Variants in TBL1Y observed in about 807,000 individuals in gnomAD.
TBL1Y encodes transducin beta like 1 Y-linked.
Under a neutral mutation model 12.0 loss-of-function variants are expected in TBL1Y, and 15 were observed. The observed-to-expected ratio is 1.25, with a 90% CI of 0.83 to 1.92. The LOEUF (loss-of-function observed/expected upper bound fraction) is 1.92, where lower values mean the gene tolerates loss of function less well. Ranked by LOEUF, TBL1Y falls within the 40% of genes most tolerant of loss-of-function variation. The probability of loss-of-function intolerance (pLI) is 0.00; values close to 1 mark genes in which losing one functional copy is unlikely to be tolerated. For missense variants in TBL1Y, 148 were observed against 116.7 expected, an observed-to-expected ratio of 1.27 and a Z score of -1.24; for synonymous variants, 53 against 42.6, an observed-to-expected ratio of 1.24 and a Z score of -0.95.
intron 4 of TBL1Y, among the ~76,000 whole-genome samples, chrY:7,001,002 A>G: frequency 6.0e-5 from 2 of 33,262 alleles, no homozygotes; most frequent in Non-Finnish European, 1.5e-4. Context: ...CAGTAGCACC[A>G]TTGCCTATGT....
chrY:6,993,076 A>G (rs1036353194), intron 3 of TBL1Y, among the ~76,000 whole-genome samples: 1 of 33,465 alleles, frequency 3.0e-5, no homozygotes, highest in Non-Finnish European at 7.4e-5. Flanking sequence ...CATATATAGA[A>G]CTGTCTACAA....
At chrY:6,987,811 G>T (rs779519383) in intron 3 of TBL1Y, among the ~76,000 whole-genome samples, 1 of 32,906 alleles carries the variant, frequency 3.0e-5, no homozygotes, top group South Asian at 7.0e-4. Flanking sequence ...AGGGTGTTTG[G>T]GTTGTTTCCA....
intron 2 of TBL1Y, among the ~76,000 whole-genome samples, chrY:6,922,896 C>G: frequency 2.9e-5 from 1 of 34,591 alleles, no homozygotes; most frequent in Non-Finnish European, 7.3e-5. Context: ...ACAGCCCACC[C>G]AGAACGCGCG....
chrY:7,009,090 G>T, intron 4 of TBL1Y, among the ~76,000 whole-genome samples: 1 of 33,669 alleles, frequency 3.0e-5, no homozygotes, highest in Non-Finnish European at 7.3e-5. Context: ...AGGGGATCAC[G>T]TGTCACCCAC....
intron 2 of TBL1Y, among the ~76,000 whole-genome samples, chrY:6,958,221 A>G (rs2012080889): frequency 3.0e-5 from 1 of 33,711 alleles, no homozygotes; most frequent in Admixed American, 2.7e-4. Context: ...GTGTTGTGCC[A>G]TACCATGAAT....
At chrY:6,998,622 C>G (rs2012425922) in intron 4 of TBL1Y, among the ~76,000 whole-genome samples, 1 of 32,172 alleles carries the variant, frequency 3.1e-5, no homozygotes, top group African/African-American at 1.2e-4. Context: ...ATGAATGAAT[C>G]ACATACCTAT....
At chrY:7,063,843 C>T in intron 7 of TBL1Y, 54 bp from the exon 8 acceptor site, 1 of 393,063 alleles carries the variant, frequency 2.5e-6, no homozygotes, top group Non-Finnish European at 3.6e-6. Context: ...AGAGACCATT[C>T]CCAGAGCCCT....
At chrY:7,029,274 T>G in intron 6 of TBL1Y, among the ~76,000 whole-genome samples, 1 of 32,636 alleles carries the variant, frequency 3.1e-5, no homozygotes. Context: ...TGAAAAGATT[T>G]TTTGTTTGTT....
chrY:7,014,061 T>C, intron 4 of TBL1Y, among the ~76,000 whole-genome samples: 1 of 33,456 alleles, frequency 3.0e-5, no homozygotes. Context: ...TATGTTAAAA[T>C]GTGAAAAGTG....
At chrY:7,015,579 A>G (rs2012544175) in intron 4 of TBL1Y, among the ~76,000 whole-genome samples, 1 of 33,823 alleles carries the variant, frequency 3.0e-5, no homozygotes, top group Non-Finnish European at 7.3e-5. Context: ...TATATGTGTT[A>G]GTTAATATCA....
At chrY:7,069,565 C>T in intron 8 of TBL1Y, among the ~76,000 whole-genome samples, 1 of 33,602 alleles carries the variant, frequency 3.0e-5, no homozygotes, top group South Asian at 6.7e-4. Flanking sequence ...ACAGCAGTTG[C>T]GGAATGACTA....
At chrY:6,993,189 T>TTTCCTTTCCTTTC (rs2012380812) in intron 3 of TBL1Y, among the ~76,000 whole-genome samples, 2 of 11,820 alleles carry the variant, frequency 1.7e-4, no homozygotes, top group Non-Finnish European at 3.5e-4. Flanking sequence ...TCCAAGTTCC[T>TTTCCTTTCCTTTC]TTTCTTTCTT....
At chrY:7,051,950 A>T (rs2012799489) in intron 7 of TBL1Y, among the ~76,000 whole-genome samples, 2 of 34,354 alleles carry the variant, frequency 5.8e-5, no homozygotes, top group Non-Finnish European at 1.5e-4. Flanking sequence ...TATTCACTGT[A>T]CTTAATTTTT....
intron 6 of TBL1Y, among the ~76,000 whole-genome samples, chrY:7,030,595 C>T: frequency 9.0e-5 from 3 of 33,464 alleles, no homozygotes; most frequent in Non-Finnish European, 1.5e-4. Flanking sequence ...ATATGGCAGC[C>T]AGGAAAGATC....
chrY:7,016,181 C>T (rs988367507), intron 4 of TBL1Y, among the ~76,000 whole-genome samples: 7 of 32,245 alleles, frequency 2.2e-4, no homozygotes, highest in Non-Finnish European at 4.5e-4. Context: ...TGGCTGTAGG[C>T]GGGGGGCCTC....
At chrY:6,952,538 C>T (rs2012037994) in intron 2 of TBL1Y, among the ~76,000 whole-genome samples, 23 of 32,672 alleles carry the variant, frequency 7.0e-4, no homozygotes, top group Admixed American at 2.8e-3. Context: ...GGTAGATCTT[C>T]CTCCATCCTT....
At chrY:6,973,732 G>C in intron 2 of TBL1Y, among the ~76,000 whole-genome samples, 1 of 32,887 alleles carries the variant, frequency 3.0e-5, no homozygotes, top group African/African-American at 1.2e-4. Context: ...GCTTAAACTC[G>C]TTATGTTTAT....
intron 2 of TBL1Y, among the ~76,000 whole-genome samples, chrY:6,927,087 G>A (rs1007706160): frequency 3.0e-3 from 94 of 31,400 alleles, no homozygotes; most frequent in Non-Finnish European, 5.9e-3. Context: ...GTGCCACCAC[G>A]CCCAGCTAAT....
At chrY:7,038,370 C>T in intron 6 of TBL1Y, among the ~76,000 whole-genome samples, 1 of 32,399 alleles carries the variant, frequency 3.1e-5, no homozygotes, top group African/African-American at 1.2e-4. Flanking sequence ...TGTGCACAAT[C>T]GCATGGAAAG....
Sources: allele counts gnomAD v4.1 joint callset (sites outside exome capture counted in the v4.1 genomes callset), GRCh38; gene constraint gnomAD v4.1.1; transcripts MANE v1.5; gene names NCBI Gene and HGNC (gene_info 2026-07-23, HGNC 2026-07-21).